The following MCMDC2 variants were observed in gnomAD, a reference collection of about 807,000 sequenced individuals.
The protein encoded by MCMDC2 is minichromosome maintenance domain containing 2, also known as minichromosome maintenance domain-containing protein 2.
In MCMDC2, 54 loss-of-function variants were observed where a neutral mutation model predicts 75.8. That is an observed-to-expected ratio of 0.71 (90% CI 0.57 to 0.89). The LOEUF (loss-of-function observed/expected upper bound fraction) is 0.89, where lower values mean the gene tolerates loss of function less well. MCMDC2 is among the 40% of genes least tolerant of loss of function. The pLI is 0.00. For synonymous variants in MCMDC2, 249 were observed against 274.6 expected, an observed-to-expected ratio of 0.91 and a Z score of 0.92; for missense variants, 656 against 780.4, an observed-to-expected ratio of 0.84 and a Z score of 1.90.
intron 9 of MCMDC2, among the ~76,000 whole-genome samples, chr8:66,886,158 CTTTTT>C (rs775562349): frequency 8.1e-6 from 1 of 123,442 alleles, no homozygotes; most frequent in East Asian, 2.4e-4. Context: ...ATATGTATAA[CTTTTT>C]TTTTTTTTTT....
In MCMDC2 at chr8:66,890,979, G is replaced by T; in HGVS notation, c.1188G>T (p.Gln396His). The change falls in exon 10 of 15, where the codon CAG becomes CAT. Residue 396 changes from glutamine (Q) to histidine (H), a missense_variant. Physicochemically the swap from Gln to His is conservative, Grantham distance 24. Transcript: ENST00000422365. Reference sequence around the variant, plus strand: ...ATGGAACTGGAGCAGTTAGCATTCAGGCTGGCAGTGCTTTGCTAGCTAAAG... The same window carrying T: ...ATGGAACTGGAGCAGTTAGCATTCATGCTGGCAGTGCTTTGCTAGCTAAAG... Reference protein sequence around the residue: ...NKYGTGAVSIQAGSALLAKGG... With the variant: ...NKYGTGAVSIHAGSALLAKGG... 6.2e-7 allele frequency: 1 copy of T among 1,610,228 alleles called. No homozygotes were observed. Among genetic ancestry groups the T allele is most frequent in the Non-Finnish European group, 8.5e-7 (1 of 1,179,224 alleles).
rs756426249 is a variant in MCMDC2, at chr8:66,874,178, A to G, written c.38A>G (p.Tyr13Cys). 2.5e-6 allele frequency: 4 copies of G among 1,610,098 alleles called. No homozygotes were observed. Among genetic ancestry groups the G allele is most frequent in the Non-Finnish European group, 2.5e-6 (3 of 1,178,950 alleles). ...NLKMKEAALI[Y>C]LDRSGGLQKF... The stretch of plus-strand genomic sequence containing the variant: ...AAAATGAAAGAGGCGGCCCTCATCT[A>G]TCTTGACAGAAGTGGAGGCCTCCAA... Residue 13 changes from tyrosine (Y) to cysteine (C), a missense_variant, in exon 2 of 15, where the codon TAT becomes TGT. Coordinates refer to ENST00000422365, the MANE Select transcript of MCMDC2 (RefSeq NM_173518.5).
chr8:66,886,677 A>G (rs550266502), intron 9 of MCMDC2, among the ~76,000 whole-genome samples: 40 of 151,994 alleles, frequency 2.6e-4, no homozygotes, highest in Non-Finnish European at 4.4e-4. Flanking sequence ...TGGGAAGCTG[A>G]GGCACGAGAA....
rs1211158632 is a variant in MCMDC2, at chr8:66,921,602, GC to G, written c.*2434del. 6.6e-6 allele frequency: 1 copy of G among 152,154 alleles called. No individual in the cohort carries two copies. Among genetic ancestry groups the G allele is most frequent in the Non-Finnish European group, 1.5e-5 (1 of 68,028 alleles). 9.4% of individuals were successfully genotyped at this position (152,154 alleles called of 1,614,324 possible). A position where few individuals can be genotyped will look rare whatever the true frequency, so the allele number is the denominator to read the frequency against. On this transcript the variant is annotated 3_prime_UTR_variant, in exon 15 of 15. Coordinates refer to ENST00000422365, the MANE Select transcript of MCMDC2 (RefSeq NM_173518.5). ...GTCATTTCTCTTAACATAGCATATT[GC>G]TTAGTTATTACATGTACTAGTATTA...
intron 14 of MCMDC2, among the ~76,000 whole-genome samples, chr8:66,907,187 C>A (rs528247621): frequency 1.3e-5 from 2 of 152,102 alleles, no homozygotes; most frequent in African/African-American, 4.8e-5. Flanking sequence ...AGGTTTTAAG[C>A]CCCGCATGGT....
chr8:66,878,931 C>G lies in MCMDC2; in HGVS notation c.709+12C>G. The G allele has an allele frequency of 6.6e-7, 1 of 1,509,988 alleles. No homozygotes were observed. The highest frequency in any genetic ancestry group is 1.4e-5 in the African/African-American group (1 of 72,658). 93.5% of individuals were successfully genotyped at this position (1,509,988 alleles called of 1,614,324 possible). A position where few individuals can be genotyped will look rare whatever the true frequency, so the allele number is the denominator to read the frequency against. On this transcript the variant is annotated intron_variant, in intron 7 of 14. Transcript: ENST00000422365. ...AATTTTCCTAAGAGGTAAGTGAATT[C>G]TGTTTGAACTAAAAAAAAATTGCTA...
intron 9 of MCMDC2, among the ~76,000 whole-genome samples, chr8:66,889,015 G>GCT (rs962791911): frequency 9.2e-5 from 14 of 151,600 alleles, no homozygotes; most frequent in African/African-American, 2.9e-4. Flanking sequence ...TCTAAATATC[G>GCT]CTCTCTCTCT....
rs1813472702 is a variant in MCMDC2, at chr8:66,920,257, T to C, written c.*1088T>C. On this transcript the variant is annotated 3_prime_UTR_variant, in exon 15 of 15. Coordinates refer to ENST00000422365, the MANE Select transcript of MCMDC2 (RefSeq NM_173518.5). ...GGTAGTGTTTTTGTTTTTTGTTTTTTTGAGATGGGGTCTCGCTCTGTCATG... is the reference window on the plus strand; with the variant it reads ...GGTAGTGTTTTTGTTTTTTGTTTTTCTGAGATGGGGTCTCGCTCTGTCATG... 6.6e-6 allele frequency: 1 copy of C among 152,328 alleles called. No individual in the cohort carries two copies. The highest frequency in any genetic ancestry group is 6.5e-5 in the Admixed American group (1 of 15,282). The allele number at this position is 152,328 out of a possible 1,614,324, so 9.4% of individuals were successfully genotyped here. A position where few individuals can be genotyped will look rare whatever the true frequency, so the allele number is the denominator to read the frequency against.
intron 14 of MCMDC2, among the ~76,000 whole-genome samples, chr8:66,917,579 T>C (rs1045822837): frequency 2.0e-5 from 3 of 152,160 alleles, no homozygotes; most frequent in African/African-American, 7.2e-5. Flanking sequence ...CGTTTCCTCC[T>C]CTACTCCTCC....
chr8:66,903,903 T>A lies in MCMDC2; in HGVS notation c.1770-1323T>A, dbSNP rs185057617. Among the ~76,000 whole-genome samples, 243 of 152,324 alleles carry A rather than the reference T, an allele frequency of 1.6e-3. 1 individual carries two copies. Among genetic ancestry groups the A allele is most frequent in the Non-Finnish European group, 3.0e-3 (205 of 68,028 alleles). On this transcript the variant is annotated intron_variant, in intron 13 of 14. Coordinates refer to ENST00000422365, the MANE Select transcript of MCMDC2 (RefSeq NM_173518.5). ...AGAACTTCACAAGCTTGAACTGTGATCTTAATCTAAAAGAAGAAAGTTAAT... is the reference window on the plus strand; with the variant it reads ...AGAACTTCACAAGCTTGAACTGTGAACTTAATCTAAAAGAAGAAAGTTAAT...
chr8:66,925,946 G>T (rs1313992099), downstream of MCMDC2, among the ~76,000 whole-genome samples: 1 of 152,164 alleles, frequency 6.6e-6, no homozygotes, highest in African/African-American at 2.4e-5. Flanking sequence ...AGGAGTTCGA[G>T]ACCAGCCTGG....
chr8:66,907,129 A>G (rs1812937872), intron 14 of MCMDC2, among the ~76,000 whole-genome samples: 1 of 151,850 alleles, frequency 6.6e-6, no homozygotes, highest in Non-Finnish European at 1.5e-5. Context: ...TTGTTACATA[A>G]GTATACATGT....
At chr8:66,923,364 T>C (rs1297820326), downstream of MCMDC2, among the ~76,000 whole-genome samples, 2 of 152,046 alleles carry the variant, frequency 1.3e-5, no homozygotes, top group African/African-American at 2.4e-5. Flanking sequence ...GGAGAATAAA[T>C]CATTGAGCCA....
intron 14 of MCMDC2, among the ~76,000 whole-genome samples, chr8:66,917,239 G>A (rs568945223): frequency 1.1e-4 from 17 of 152,256 alleles, no homozygotes; most frequent in African/African-American, 3.1e-4. Flanking sequence ...AGGTAGGAAA[G>A]GAAGCAGTCA....
chr8:66,926,300 A>G (rs945373648), downstream of MCMDC2: 3 of 152,242 alleles, frequency 2.0e-5, no homozygotes, highest in African/African-American at 7.2e-5. Flanking sequence ...ACTGGGCTTG[A>G]TGCTGGAGCA....
At chr8:66,905,363 T>C (rs1296367845) in intron 14 of MCMDC2, 28 bp downstream of exon 14, 53 of 1,402,680 alleles carry the variant, frequency 3.8e-5, no homozygotes, top group Non-Finnish European at 4.9e-5. Context: ...TAATGATCAC[T>C]ACAAATAACT....
intron 1 of MCMDC2, chr8:66,871,640 G>A (rs193265393): frequency 6.6e-6 from 1 of 152,142 alleles, no homozygotes; most frequent in Non-Finnish European, 1.5e-5. Context: ...TCTGACTATG[G>A]GCTAGGCGTA....
chr8:66,925,601 G>T (rs1234648389), downstream of MCMDC2: 2 of 152,280 alleles, frequency 1.3e-5, no homozygotes, highest in African/African-American at 4.8e-5. Flanking sequence ...CTTCCGGTAC[G>T]CGGCCCCGCC....
chr8:66,888,256 GTT>G (rs1292227272), intron 9 of MCMDC2, among the ~76,000 whole-genome samples: 1 of 151,906 alleles, frequency 6.6e-6, no homozygotes, highest in Non-Finnish European at 1.5e-5. Flanking sequence ...AATTTTTTTA[GTT>G]TTTTGTAGAG....
Sources: allele counts gnomAD v4.1 joint callset (sites outside exome capture counted in the v4.1 genomes callset), GRCh38; gene constraint gnomAD v4.1.1; transcripts MANE v1.5; gene names NCBI Gene and HGNC (gene_info 2026-07-23, HGNC 2026-07-21).